The following MKLN1 variants were observed in gnomAD, a reference collection of about 807,000 sequenced individuals.
MKLN1 encodes muskelin 1.
Under a neutral mutation model 99.0 loss-of-function variants are expected in MKLN1, and 18 were observed. The ratio of observed to expected loss-of-function variants is 0.18; its 90% confidence interval spans 0.13 to 0.27. The LOEUF (loss-of-function observed/expected upper bound fraction) is 0.27. Ranked by LOEUF, MKLN1 falls within the 10% of genes least tolerant of loss-of-function variation. MKLN1 has a pLI of 1.00. For synonymous variants in MKLN1, 288 were observed against 293.2 expected, an observed-to-expected ratio of 0.98 and a Z score of 0.18; for missense variants, 621 against 875.9, an observed-to-expected ratio of 0.71 and a Z score of 3.67.
chr7:131,283,553 G>C (rs927326541), intron 3 of MKLN1, among the ~76,000 whole-genome samples: 42 of 150,934 alleles, frequency 2.8e-4, no homozygotes, highest in Non-Finnish European at 8.8e-5. Flanking sequence ...TCCCACCTCA[G>C]CCTCCCGAGT....
intron 16 of MKLN1, 80 bp from the exon 17 acceptor site, chr7:131,478,543 G>C: frequency 2.9e-6 from 4 of 1,378,074 alleles, no homozygotes; most frequent in Non-Finnish European, 3.8e-6. Flanking sequence ...AATGGTCAAA[G>C]TTATAGAAGG....
At chr7:131,339,149 G>A (rs1799332426) in intron 1 of MKLN1, among the ~76,000 whole-genome samples, 1 of 152,170 alleles carries the variant, frequency 6.6e-6, no homozygotes, top group Non-Finnish European at 1.5e-5. Flanking sequence ...TAGCAGTTAA[G>A]TTTTATGGGA....
chr7:131,429,303 TTCTA>T (rs1281751813), intron 9 of MKLN1, among the ~76,000 whole-genome samples, 158 bp downstream of exon 9: 1 of 152,224 alleles, frequency 6.6e-6, no homozygotes, highest in East Asian at 1.9e-4. Flanking sequence ...GAATTTCAGC[TTCTA>T]TAACTGGCTG....
chr7:131,407,298 A>T (rs1794735327), intron 6 of MKLN1, among the ~76,000 whole-genome samples: 1 of 151,846 alleles, frequency 6.6e-6, no homozygotes, highest in Admixed American at 6.6e-5. Flanking sequence ...ATCTGTACTC[A>T]TGTTTCATAG....
At chr7:131,161,863 C>T (rs1796054463) in intron 2 of MKLN1, among the ~76,000 whole-genome samples, 1 of 151,382 alleles carries the variant, frequency 6.6e-6, no homozygotes, top group African/African-American at 2.4e-5. Flanking sequence ...CTAAGGGATG[C>T]TGCTGTGCTG....
chr7:131,356,671 A>C (rs1240772422), intron 1 of MKLN1, among the ~76,000 whole-genome samples: 1 of 152,150 alleles, frequency 6.6e-6, no homozygotes, highest in Admixed American at 6.6e-5. Context: ...TGGGCAGTCT[A>C]GAGGTCCCCT....
intron 3 of MKLN1, among the ~76,000 whole-genome samples, chr7:131,274,242 G>A (rs1424741261): frequency 1.3e-5 from 2 of 152,042 alleles, no homozygotes; most frequent in East Asian, 1.9e-4. Context: ...GATGATTTTT[G>A]GCCAAGAATT....
At chr7:131,477,835 T>C (rs1358032708) in intron 16 of MKLN1, among the ~76,000 whole-genome samples, 1 of 152,216 alleles carries the variant, frequency 6.6e-6, no homozygotes, top group East Asian at 1.9e-4. Flanking sequence ...AGTAACTCCA[T>C]TGAGGAGTTT....
At position 131,355,628 on chromosome 7, in the gene MKLN1, C is replaced by CTATATATATATATATA. The variant is rs58377694; in HGVS notation, c.99-19790_99-19775dup. ...AGGCTCTGATTTCTTTAACTTGATACTATATATATATATATATATATGCTT... is the reference window on the plus strand; with the variant it reads ...AGGCTCTGATTTCTTTAACTTGATACTATATATATATATATATATATATATATATATATATATGCTT... On this transcript the variant is annotated intron_variant, in intron 1 of 17. Transcript: ENST00000352689. 9.9e-3 allele frequency among the ~76,000 whole-genome samples: 1,352 copies of CTATATATATATATATA among 136,576 alleles called. 9 individuals carry two copies. Among genetic ancestry groups the CTATATATATATATATA allele is most frequent in the East Asian group, 0.058 (268 of 4,612 alleles). 89.6% of individuals were successfully genotyped at this position (136,576 alleles called of 152,430 possible). A position where few individuals can be genotyped will look rare whatever the true frequency, so the allele number is the denominator to read the frequency against.
At chr7:131,115,533 C>A (rs543968125) in intron 1 of MKLN1, among the ~76,000 whole-genome samples, 32 of 152,270 alleles carry the variant, frequency 2.1e-4, no homozygotes, top group Non-Finnish European at 2.2e-4. Context: ...AGTCTTAAGA[C>A]ATAAATCAGA....
At position 131,255,787 on chromosome 7, in the gene MKLN1, G is replaced by A. The variant is rs371227191; in HGVS notation, c.-179+52813G>A. Among the ~76,000 whole-genome samples, 65 of 151,946 alleles carry A rather than the reference G, an allele frequency of 4.3e-4. No homozygotes were observed. In the East Asian group the frequency reaches 0.012, roughly 27 times the overall value. ...GTAGAGACTGGGTTTCACTGTGTTG[G>A]CCAGGCTGGTCTTGAACTCCTGACC... On this transcript the variant is annotated intron_variant, in intron 3 of 7. Coordinates refer to the MKLN1 transcript ENST00000416992.
At chr7:131,151,921 G>C (rs1795893977) in intron 2 of MKLN1, among the ~76,000 whole-genome samples, 1 of 152,110 alleles carries the variant, frequency 6.6e-6, no homozygotes, top group African/African-American at 2.4e-5. Context: ...AAAGCATAAA[G>C]GACCCCATGT....
At chr7:131,314,486 G>A (rs1167272566) in intron 3 of MKLN1, among the ~76,000 whole-genome samples, 2 of 151,970 alleles carry the variant, frequency 1.3e-5, no homozygotes, top group East Asian at 1.9e-4. Context: ...GCAGTGGTAC[G>A]ATCTCGGCTC....
chr7:131,179,101 T>A (rs534080803), intron 2 of MKLN1, among the ~76,000 whole-genome samples: 19 of 152,344 alleles, frequency 1.2e-4, no homozygotes, highest in South Asian at 1.0e-3. Context: ...ATAAGCATAT[T>A]CCTGTATCTC....
intron 2 of MKLN1, among the ~76,000 whole-genome samples, chr7:131,150,350 G>A (rs1338171290): frequency 6.6e-6 from 1 of 152,078 alleles, no homozygotes; most frequent in Non-Finnish European, 1.5e-5. Context: ...AGCTGGGCAT[G>A]GTGGTATGCA....
intron 1 of MKLN1, among the ~76,000 whole-genome samples, chr7:131,337,862 A>T (rs1327130522): frequency 6.6e-6 from 1 of 152,158 alleles, no homozygotes; most frequent in Middle Eastern, 3.4e-3. Context: ...GCCAGACATT[A>T]TATGCAGAAT....
intron 3 of MKLN1, among the ~76,000 whole-genome samples, chr7:131,296,425 A>G (rs1798292629): frequency 1.3e-5 from 2 of 152,240 alleles, no homozygotes; most frequent in South Asian, 2.1e-4. Context: ...ATCTTAATAT[A>G]GAAAAAATAC....
intron 12 of MKLN1, among the ~76,000 whole-genome samples, chr7:131,446,833 A>G (rs1446365229): frequency 6.6e-6 from 1 of 152,244 alleles, no homozygotes; most frequent in Non-Finnish European, 1.5e-5. Flanking sequence ...GCTAGTCCAG[A>G]GACGGACATG....
chr7:131,182,204 A>T (rs1427169159), intron 2 of MKLN1, among the ~76,000 whole-genome samples: 1 of 152,192 alleles, frequency 6.6e-6, no homozygotes, highest in African/African-American at 2.4e-5. Context: ...TGGATTCAAT[A>T]TGTTGACAAA....
Sources: gnomAD v4.1 joint callset for allele counts (sites outside exome capture counted in the v4.1 genomes callset) on GRCh38, gnomAD v4.1.1 for gene constraint, MANE v1.5 for transcripts, NCBI Gene and HGNC (gene_info 2026-07-23, HGNC 2026-07-21) for gene names.